The following KCNH8 variants were observed in gnomAD, a reference collection of about 807,000 sequenced individuals.
KCNH8 encodes the protein voltage-gated delayed rectifier potassium channel KCNH8.
In KCNH8, 70 loss-of-function variants were observed where a neutral mutation model predicts 103.6. The ratio of observed to expected loss-of-function variants is 0.68; its 90% confidence interval spans 0.56 to 0.82. The LOEUF (loss-of-function observed/expected upper bound fraction) is 0.82, where lower values mean the gene tolerates loss of function less well. Among genes scored for constraint, KCNH8 ranks in the 40% least tolerant of loss-of-function variants. The pLI is 0.00. For synonymous variants in KCNH8, 498 were observed against 489.4 expected (o/e 1.02, Z -0.23); for missense variants, 1,217 against 1,329.9 (o/e 0.92, Z 1.32).
At chr3:19,250,488 A>G (rs2064263009) in intron 1 of KCNH8, among the ~76,000 whole-genome samples, 1 of 152,206 alleles carries the variant, frequency 6.6e-6, no homozygotes, top group Non-Finnish European at 1.5e-5. Context: ...TATGCTAGAC[A>G]AATACTAACA....
intron 14 of KCNH8, among the ~76,000 whole-genome samples, chr3:19,516,846 T>G (rs2068883346): frequency 1.3e-5 from 2 of 152,068 alleles, no homozygotes; most frequent in South Asian, 4.1e-4. Flanking sequence ...TCACACTGTT[T>G]TCCATGCAAA....
chr3:19,305,646 A>T (rs1419865179), intron 3 of KCNH8, among the ~76,000 whole-genome samples: 3 of 149,524 alleles, frequency 2.0e-5, no homozygotes, highest in Non-Finnish European at 4.4e-5. Context: ...AATGAAAAAC[A>T]TATTAGAGTA....
chr3:19,281,399 G>A, intron 3 of KCNH8, 70 bp downstream of exon 3: 3 of 1,419,898 alleles, frequency 2.1e-6, no homozygotes, highest in Non-Finnish European at 2.9e-6. Flanking sequence ...AAAAACTCTT[G>A]GAGAAAAACA....
intron 1 of KCNH8, among the ~76,000 whole-genome samples, chr3:19,163,396 A>G (rs1390032412): frequency 3.3e-5 from 5 of 150,794 alleles, no homozygotes; most frequent in East Asian, 3.8e-4. Flanking sequence ...CCAAATACTT[A>G]AAGAATTATA....
At chr3:19,452,628 C>T (rs1438166132) in intron 10 of KCNH8, among the ~76,000 whole-genome samples, 4 of 152,068 alleles carry the variant, frequency 2.6e-5, no homozygotes, top group Admixed American at 6.6e-5. Context: ...CAATATAAAA[C>T]ACAATATTTA....
At chr3:19,404,496 C>T (rs1275094932) in intron 7 of KCNH8, among the ~76,000 whole-genome samples, 1 of 151,892 alleles carries the variant, frequency 6.6e-6, no homozygotes, top group African/African-American at 2.4e-5. Flanking sequence ...TCTATGACTT[C>T]AATCACTGTT....
At chr3:19,325,404 C>T (rs892569645) in intron 3 of KCNH8, among the ~76,000 whole-genome samples, 1 of 152,014 alleles carries the variant, frequency 6.6e-6, no homozygotes, top group Non-Finnish European at 1.5e-5. Flanking sequence ...AGAAAGATAA[C>T]CCAAAGAATG....
chr3:19,285,506 G>A (rs1190415495), intron 3 of KCNH8, among the ~76,000 whole-genome samples: 1 of 152,106 alleles, frequency 6.6e-6, no homozygotes, highest in African/African-American at 2.4e-5. Context: ...TATAGAATAT[G>A]CTCAATAAAA....
chr3:19,282,089 T>C (rs143322044), intron 3 of KCNH8, among the ~76,000 whole-genome samples: 32 of 152,244 alleles, frequency 2.1e-4, no homozygotes, highest in Non-Finnish European at 4.3e-4. Flanking sequence ...AATCAGCTAC[T>C]TGACATTTCA....
chr3:19,511,171 G>T (rs1364625887), intron 12 of KCNH8, among the ~76,000 whole-genome samples: 1 of 149,060 alleles, frequency 6.7e-6, no homozygotes, highest in Non-Finnish European at 1.5e-5. Flanking sequence ...AGGCACCAGT[G>T]TGTGATGTTC....
At chr3:19,243,644 G>A (rs1267150921) in intron 1 of KCNH8, among the ~76,000 whole-genome samples, 1 of 152,096 alleles carries the variant, frequency 6.6e-6, no homozygotes, top group Non-Finnish European at 1.5e-5. Flanking sequence ...CCACTCTGAT[G>A]GATTGGGCAT....
Position 19,438,374 on chromosome 3 carries a change from C to T in KCNH8, c.1375+13C>T, listed in dbSNP as rs1382230858. The T allele has an allele frequency of 6.2e-7, 1 of 1,606,402 alleles. No individual in the cohort carries two copies. The highest frequency in any genetic ancestry group is 1.3e-5 in the African/African-American group (1 of 74,796). ...ATGCTGATTGGTGGTAAGAGAGCAT[C>T]TTCTTTTATACTAAGAAGAGGAACT... On this transcript the variant is annotated intron_variant, in intron 8 of 15. Transcript: ENST00000328405.
At chr3:19,474,327 C>A (rs760891898) in intron 11 of KCNH8, among the ~76,000 whole-genome samples, 9 of 152,190 alleles carry the variant, frequency 5.9e-5, no homozygotes, top group Non-Finnish European at 1.0e-4. Flanking sequence ...TACAGCGCAG[C>A]ACAGACTGTG....
intron 5 of KCNH8, among the ~76,000 whole-genome samples, chr3:19,382,289 G>T (rs887794716): frequency 5.3e-5 from 8 of 152,054 alleles, no homozygotes; most frequent in Non-Finnish European, 1.0e-4. Context: ...TGTTTTGGTG[G>T]CCGTATACAG....
At position 19,304,463 on chromosome 3, in the gene KCNH8, CTAAA is replaced by C. The variant is rs1432733055; in HGVS notation, c.442+23137_442+23140del. ...TAACAAAGCTAAATATTTAATATCT[CTAAA>C]TAGATAAGAATAAATACGATATTCA... On this transcript the variant is annotated intron_variant, in intron 3 of 15. Transcript: ENST00000328405. Among the ~76,000 whole-genome samples, 5 of 151,534 alleles carry C rather than the reference CTAAA, an allele frequency of 3.3e-5. No homozygotes were observed. In the South Asian group the frequency reaches 6.2e-4, roughly 19 times the overall value.
At chr3:19,485,565 T>C (rs1165677380) in intron 11 of KCNH8, among the ~76,000 whole-genome samples, 1 of 152,212 alleles carries the variant, frequency 6.6e-6, no homozygotes, top group Non-Finnish European at 1.5e-5. Flanking sequence ...CCAGAAACTG[T>C]GGCACAGCTA....
intron 1 of KCNH8, among the ~76,000 whole-genome samples, chr3:19,175,402 T>C (rs1418970345): frequency 6.6e-6 from 1 of 152,006 alleles, no homozygotes; most frequent in Non-Finnish European, 1.5e-5. Flanking sequence ...TTTGTATTTT[T>C]AGTAGAGACA....
At chr3:19,456,723 A>G (rs968451939) in intron 10 of KCNH8, 45 bp from the exon 11 acceptor site, 1 of 1,355,102 alleles carries the variant, frequency 7.4e-7, no homozygotes. Context: ...ATCAGTCCTA[A>G]GCTTGCTTTT....
intron 15 of KCNH8, 35 bp from the exon 16 acceptor site, chr3:19,533,360 T>TAACTA: frequency 7.2e-7 from 1 of 1,396,066 alleles, no homozygotes; most frequent in Non-Finnish European, 1.0e-6. Flanking sequence ...TATGCACCTC[T>TAACTA]AACTATTGTC....
Sources: gnomAD v4.1 joint callset for allele counts (sites outside exome capture counted in the v4.1 genomes callset) on GRCh38, gnomAD v4.1.1 for gene constraint, MANE v1.5 for transcripts, NCBI Gene and HGNC (gene_info 2026-07-23, HGNC 2026-07-21) for gene names.